The following GRM8 variants were observed in gnomAD, a reference collection of about 807,000 sequenced individuals.
The protein encoded by GRM8 is glutamate metabotropic receptor 8.
A neutral mutation model predicts 87.2 loss-of-function variants in GRM8; 47 were observed. The ratio of observed to expected loss-of-function variants is 0.54; its 90% CI spans 0.43 to 0.69. GRM8 has a LOEUF of 0.69. GRM8 is among the 30% of genes least tolerant of loss of function. GRM8 has a pLI of 0.00. For synonymous variants in GRM8, 396 were observed against 404.5 expected, an observed-to-expected ratio of 0.98 and a Z score of 0.25; for missense variants, 1,019 against 1,139.2, an observed-to-expected ratio of 0.89 and a Z score of 1.52.
chr7:127,214,948 A>C (rs575450219), intron 2 of GRM8, among the ~76,000 whole-genome samples: 88 of 152,200 alleles, frequency 5.8e-4, no homozygotes, highest in Non-Finnish European at 1.0e-3. Context: ...ATTTCTAGAA[A>C]CATTTTAGGA....
intron 7 of GRM8, among the ~76,000 whole-genome samples, chr7:126,675,275 C>T (rs1172676750): frequency 1.3e-5 from 2 of 151,922 alleles, no homozygotes; most frequent in African/African-American, 4.8e-5. Context: ...AAACAAAAAC[C>T]AAAATCAGAT....
chr7:126,872,014 AGATATTGCCAGCCCACACCCAGG>A (rs1799142055), intron 6 of GRM8, among the ~76,000 whole-genome samples: 1 of 152,152 alleles, frequency 6.6e-6, no homozygotes, highest in Non-Finnish European at 1.5e-5. Context: ...AAGAATGTGC[AGATATTGCCAGCCCACACCCAGG>A]GACCCTCACA....
At chr7:126,638,994 C>T (rs188260126) in intron 7 of GRM8, among the ~76,000 whole-genome samples, 8 of 152,328 alleles carry the variant, frequency 5.3e-5, no homozygotes, top group Non-Finnish European at 1.0e-4. Context: ...ACACAATCTA[C>T]TCTAGCCACG....
At chr7:127,212,421 T>TTA (rs1554613334) in intron 2 of GRM8, among the ~76,000 whole-genome samples, 24 of 142,424 alleles carry the variant, frequency 1.7e-4, no homozygotes, top group East Asian at 1.0e-3. Context: ...TTTTTTTTTT[T>TTA]TTTTTTTTTT....
chr7:126,679,663 G>GA (rs1245981743), intron 7 of GRM8, among the ~76,000 whole-genome samples: 1 of 152,142 alleles, frequency 6.6e-6, no homozygotes, highest in African/African-American at 2.4e-5. Flanking sequence ...GATGCTGAAA[G>GA]AACATAAAAT....
intron 2 of GRM8, among the ~76,000 whole-genome samples, chr7:127,193,385 G>A (rs1018670049): frequency 6.6e-6 from 1 of 152,208 alleles, no homozygotes; most frequent in Non-Finnish European, 1.5e-5. Context: ...GTTTCAGGCT[G>A]TGGTGAAGCT....
chr7:126,975,299 C>A (rs1810879190), intron 3 of GRM8, among the ~76,000 whole-genome samples: 2 of 152,018 alleles, frequency 1.3e-5, no homozygotes, highest in African/African-American at 2.4e-5. Context: ...GCTGTTAGAC[C>A]AAGATAGGTT....
At chr7:127,046,000 C>T (rs1006809386) in intron 3 of GRM8, among the ~76,000 whole-genome samples, 1 of 152,218 alleles carries the variant, frequency 6.6e-6, no homozygotes, top group African/African-American at 2.4e-5. Flanking sequence ...CTTTTCAATA[C>T]AGAAACATCC....
chr7:126,616,428 G>C (rs1412114990), intron 7 of GRM8, among the ~76,000 whole-genome samples: 1 of 152,170 alleles, frequency 6.6e-6, no homozygotes, highest in East Asian at 1.9e-4. Flanking sequence ...AAGCAGGACA[G>C]ATCTAAAATC....
At chr7:126,730,508 C>T (rs1290538640) in intron 7 of GRM8, among the ~76,000 whole-genome samples, 1 of 151,962 alleles carries the variant, frequency 6.6e-6, no homozygotes. Context: ...TGTGGGGGGA[C>T]CTGGATGTCA....
intron 2 of GRM8, among the ~76,000 whole-genome samples, chr7:127,150,058 A>C (rs1357744562): frequency 2.6e-5 from 4 of 152,102 alleles, no homozygotes; most frequent in Admixed American, 2.6e-4. Flanking sequence ...TATGTGAGAT[A>C]ATGGATACAT....
chr7:126,935,014 T>G (rs1806156896), intron 3 of GRM8, among the ~76,000 whole-genome samples: 1 of 152,198 alleles, frequency 6.6e-6, no homozygotes, highest in Non-Finnish European at 1.5e-5. Context: ...CTTGTACATG[T>G]AAAGAATGCA....
At chr7:127,096,420 C>A (rs1373449823) in intron 3 of GRM8, among the ~76,000 whole-genome samples, 1 of 152,022 alleles carries the variant, frequency 6.6e-6, no homozygotes, top group Non-Finnish European at 1.5e-5. Flanking sequence ...ACCAGCCAGG[C>A]ATGGGAGCAT....
At chr7:126,773,795 A>C (rs28445142) in intron 6 of GRM8, among the ~76,000 whole-genome samples, 2,914 of 152,226 alleles carry the variant, frequency 0.019, 97 homozygotes, top group African/African-American at 0.067. Flanking sequence ...CAGGAGTTCA[A>C]GACCAGCCTG....
chr7:127,055,768 A>G (rs995816192), intron 3 of GRM8, among the ~76,000 whole-genome samples: 1 of 152,124 alleles, frequency 6.6e-6, no homozygotes, highest in African/African-American at 2.4e-5. Context: ...CAAATGTGTA[A>G]CAATGCAGAA....
At chr7:126,687,220 CTGACTTT>C (rs1808282689) in intron 7 of GRM8, among the ~76,000 whole-genome samples, 1 of 152,242 alleles carries the variant, frequency 6.6e-6, no homozygotes, top group Admixed American at 6.5e-5. Flanking sequence ...GATAGCCACT[CTGACTTT>C]TAAGATAAAC....
intron 3 of GRM8, among the ~76,000 whole-genome samples, chr7:127,011,523 CTT>C (rs1467436248): frequency 1.3e-5 from 2 of 152,126 alleles, no homozygotes; most frequent in Non-Finnish European, 2.9e-5. Context: ...TCTTCTTCCT[CTT>C]TACTCTGTGC....
rs556461279 is a variant in GRM8 at position 126,813,896 on chromosome 7, T to C, written c.1157-43831A>G. 2.4e-4 allele frequency among the ~76,000 whole-genome samples: 36 copies of C among 152,254 alleles called. No homozygotes were observed. In the South Asian group the frequency reaches 7.0e-3, roughly 30 times the overall value. On this transcript the variant is annotated intron_variant, in intron 6 of 10. Coordinates refer to ENST00000339582, the MANE Select transcript of GRM8 (RefSeq NM_000845.3). ...CATTGTAAAAGAAATTTGTAATGCA[T>C]TGTCCCTTACTCAAAAATGACACTG...
At chr7:126,736,208 A>C (rs1000071372) in intron 7 of GRM8, among the ~76,000 whole-genome samples, 7 of 152,156 alleles carry the variant, frequency 4.6e-5, no homozygotes, top group Non-Finnish European at 1.0e-4. Context: ...AACCAGAAAT[A>C]TAACCTAACT....
Sources: allele counts gnomAD v4.1 joint callset (sites outside exome capture counted in the v4.1 genomes callset), GRCh38; gene constraint gnomAD v4.1.1; transcripts MANE v1.5; gene names NCBI Gene and HGNC (gene_info 2026-07-23, HGNC 2026-07-21).